The following ZBTB20 variants were observed in gnomAD, a reference collection of about 807,000 sequenced individuals.
ZBTB20 encodes the protein zinc finger and BTB domain containing 20.
ZBTB20 carries 9 observed loss-of-function variants against 56.9 expected under a neutral mutation model. The ratio of observed to expected loss-of-function variants is 0.16; its 90% CI spans 0.10 to 0.28. The LOEUF (loss-of-function observed/expected upper bound fraction) is 0.28. Among genes scored for constraint, ZBTB20 ranks in the 10% least tolerant of loss-of-function variants. The pLI, the probability that ZBTB20 is intolerant of heterozygous loss-of-function variation, is 1.00. For synonymous variants in ZBTB20, 417 were observed against 420.7 expected (o/e 0.99, Z 0.11); for missense variants, 655 against 1,003.0 (o/e 0.65, Z 4.69).
intron 6 of ZBTB20, chr3:114,688,100 C>T (rs1003455890): frequency 2.6e-5 from 4 of 151,916 alleles, no homozygotes; most frequent in African/African-American, 4.8e-5. Context: ...TATGATGGCG[C>T]GCATCTGTAA....
Position 114,776,437 on chromosome 3 carries a change from T to C in ZBTB20, c.-343+24664A>G, listed in dbSNP as rs139301805. On this transcript the variant is annotated intron_variant, in intron 5 of 11. Coordinates refer to ENST00000675478, the MANE Select transcript of ZBTB20 (RefSeq NM_001348800.3). ...ACCAGAGAAGCTGAGATTGCAGTGATGTGGCCACAAGCCAAAAAACGGTAG... is the reference window on the plus strand; with the variant it reads ...ACCAGAGAAGCTGAGATTGCAGTGACGTGGCCACAAGCCAAAAAACGGTAG... Among the ~76,000 whole-genome samples, 247 of 152,254 alleles carry C rather than the reference T, an allele frequency of 1.6e-3. 1 individual carries two copies. Among genetic ancestry groups the C allele is most frequent in the Non-Finnish European group, 2.6e-3 (177 of 68,014 alleles).
intron 5 of ZBTB20, among the ~76,000 whole-genome samples, chr3:114,800,312 C>T (rs17626757): frequency 0.023 from 3,536 of 151,834 alleles, 57 homozygotes; most frequent in Middle Eastern, 0.065. Context: ...TTACCCTGGG[C>T]GTCTGAATCT....
At chr3:114,504,385 G>A (rs752198269) in intron 6 of ZBTB20, among the ~76,000 whole-genome samples, 15 of 152,138 alleles carry the variant, frequency 9.9e-5, no homozygotes, top group Non-Finnish European at 1.8e-4. Context: ...AGGAATGTGA[G>A]CAGTGTAACG....
intron 7 of ZBTB20, among the ~76,000 whole-genome samples, chr3:114,416,469 T>G (rs1273034478): frequency 2.0e-5 from 3 of 152,116 alleles, no homozygotes; most frequent in Non-Finnish European, 4.4e-5. Flanking sequence ...TTTTGTTTTG[T>G]TTTGGTTTTG....
intron 6 of ZBTB20, among the ~76,000 whole-genome samples, chr3:114,540,854 A>C (rs895943243): frequency 1.1e-4 from 16 of 152,096 alleles, no homozygotes; most frequent in African/African-American, 3.6e-4. Context: ...CAATTCCTTT[A>C]GTTTTTATGT....
intron 6 of ZBTB20, among the ~76,000 whole-genome samples, chr3:114,663,354 C>T (rs2108097237): frequency 6.6e-6 from 1 of 150,740 alleles, no homozygotes; most frequent in South Asian, 2.1e-4. Context: ...ATTTTGTCAC[C>T]ACCAAGCCTG....
At chr3:114,682,748 A>C (rs2062059699) in intron 6 of ZBTB20, among the ~76,000 whole-genome samples, 1 of 152,194 alleles carries the variant, frequency 6.6e-6, no homozygotes, top group Admixed American at 6.5e-5. Flanking sequence ...AGACCGGATT[A>C]CTTTCTCTAA....
chr3:114,349,802 A>G (rs1431186371), intron 11 of ZBTB20, among the ~76,000 whole-genome samples: 3 of 152,214 alleles, frequency 2.0e-5, no homozygotes, highest in African/African-American at 7.2e-5. Flanking sequence ...CACTATAAGG[A>G]AGGCGTATCA....
intron 11 of ZBTB20, among the ~76,000 whole-genome samples, chr3:114,344,316 C>T (rs1266307839): frequency 6.6e-6 from 1 of 152,168 alleles, no homozygotes; most frequent in Non-Finnish European, 1.5e-5. Flanking sequence ...ATATTAACAT[C>T]CCCAGAAAAT....
Position 114,602,814 on chromosome 3 carries a change from T to G in ZBTB20, c.-295+90714A>C, listed in dbSNP as rs948140294. On this transcript the variant is annotated intron_variant, in intron 6 of 11. Transcript: ENST00000675478. ...ATTTGAAAATATCATCAGCTAATTA[T>G]GTCACGGACGAATTTTCTATAAAAC... Among the ~76,000 whole-genome samples, 39 of 152,060 alleles carry G rather than the reference T, an allele frequency of 2.6e-4. 1 individual carries two copies. The highest frequency in any genetic ancestry group is 2.9e-5 in the Non-Finnish European group (2 of 67,936).
At chr3:114,929,757 G>A (rs946048244) in intron 3 of ZBTB20, among the ~76,000 whole-genome samples, 1 of 152,136 alleles carries the variant, frequency 6.6e-6, no homozygotes, top group Non-Finnish European at 1.5e-5. Context: ...GGGTGTCACT[G>A]GTCTTCATTT....
At chr3:115,081,280 C>A (rs2082785934) in intron 1 of ZBTB20, among the ~76,000 whole-genome samples, 1 of 151,992 alleles carries the variant, frequency 6.6e-6, no homozygotes, top group Non-Finnish European at 1.5e-5. Flanking sequence ...AGTTTCTCTT[C>A]CTTCATCATC....
chr3:114,831,087 CTTTTTTTTTT>C (rs57265260), intron 4 of ZBTB20, among the ~76,000 whole-genome samples: 16 of 55,554 alleles, frequency 2.9e-4, no homozygotes, highest in East Asian at 8.8e-4. Flanking sequence ...TTTCTTTCTT[CTTTTTTTTTT>C]TTTTTTTTTT....
At chr3:114,690,287 A>G (rs537176614) in intron 6 of ZBTB20, among the ~76,000 whole-genome samples, 174 of 152,274 alleles carry the variant, frequency 1.1e-3, no homozygotes, top group Admixed American at 9.5e-3. Context: ...TTTGAGGCCA[A>G]TGGAAAATGT....
At chr3:114,741,928 A>T (rs2066629100) in intron 5 of ZBTB20, among the ~76,000 whole-genome samples, 1 of 152,008 alleles carries the variant, frequency 6.6e-6, no homozygotes, top group Non-Finnish European at 1.5e-5. Flanking sequence ...AATCAGGGAA[A>T]ATGGGAAAAT....
chr3:114,415,361 G>A (rs183776655), intron 7 of ZBTB20, among the ~76,000 whole-genome samples: 9 of 152,230 alleles, frequency 5.9e-5, no homozygotes, highest in East Asian at 1.9e-4. Context: ...AGACATCTTC[G>A]ACTGATGACC....
rs1045492642 is a variant in ZBTB20, at chr3:114,316,142, C to T, written c.*22863G>A. The T allele has an allele frequency of 2.4e-5, 6 of 249,878 alleles. No individual in the cohort carries two copies. In the South Asian group the frequency reaches 2.5e-4, roughly 10 times the overall value. The allele number at this position is 249,878 out of a possible 1,614,324, so 15.5% of individuals were successfully genotyped here. A position where few individuals can be genotyped will look rare whatever the true frequency, so the allele number is the denominator to read the frequency against. ...ACGAGTTTAAAAATGTTTTTCATAGCCAGAAACTGAAATCAAATCAACATG... is the reference window on the plus strand; with the variant it reads ...ACGAGTTTAAAAATGTTTTTCATAGTCAGAAACTGAAATCAAATCAACATG... On this transcript the variant is annotated 3_prime_UTR_variant, in exon 12 of 12. Coordinates refer to ENST00000675478, the MANE Select transcript of ZBTB20 (RefSeq NM_001348800.3).
chr3:114,792,938 C>T (rs1330442887), intron 5 of ZBTB20, among the ~76,000 whole-genome samples: 4 of 144,554 alleles, frequency 2.8e-5, no homozygotes, highest in Non-Finnish European at 6.0e-5. Context: ...TGCAATGGTG[C>T]GATCTCAGCT....
intron 1 of ZBTB20, among the ~76,000 whole-genome samples, chr3:115,105,303 T>C (rs1355386246): frequency 2.0e-5 from 3 of 151,912 alleles, no homozygotes; most frequent in African/African-American, 7.3e-5. Context: ...ATGTAGGAAT[T>C]ATTTTTAGTC....
Sources: allele counts gnomAD v4.1 joint callset (sites outside exome capture counted in the v4.1 genomes callset), GRCh38; gene constraint gnomAD v4.1.1; transcripts MANE v1.5; gene names NCBI Gene and HGNC (gene_info 2026-07-23, HGNC 2026-07-21).